Variants in TTI1 observed in about 807,000 individuals in gnomAD.
TTI1 encodes the protein TELO2 interacting protein 1, also known as TELO2-interacting protein 1 homolog.
TTI1 carries 52 observed loss-of-function variants against 85.4 expected under a neutral mutation model. The observed-to-expected ratio is 0.61, with a 90% CI of 0.49 to 0.77. The LOEUF (loss-of-function observed/expected upper bound fraction) is 0.77. Among genes scored for constraint, TTI1 ranks in the 30% least tolerant of loss-of-function variants. The probability of loss-of-function intolerance (pLI) is 0.00; values close to 1 mark genes in which losing one functional copy is unlikely to be tolerated. For missense variants in TTI1, 1,173 were observed against 1,296.0 expected (o/e 0.91, Z 1.46); for synonymous variants, 512 against 503.9 (o/e 1.02, Z -0.22).
chr20:38,006,457 T>C, intron 2 of TTI1, 60 bp from the exon 3 acceptor site: 8 of 1,580,646 alleles, frequency 5.1e-6, no homozygotes, highest in Non-Finnish European at 6.9e-6. Context: ...GAGTACTTTA[T>C]ACACAGAATA....
intron 1 of TTI1, among the ~76,000 whole-genome samples, chr20:38,024,838 G>C (rs1390222925): frequency 6.6e-6 from 1 of 152,132 alleles, no homozygotes; most frequent in Non-Finnish European, 1.5e-5. Context: ...GACCACACGG[G>C]GAGCCTAAAC....
chr20:38,006,266 A>G lies in TTI1; in HGVS notation c.2434T>C (p.Phe812Leu). The G allele has an allele frequency of 6.2e-7, 1 of 1,614,054 alleles. No individual in the cohort carries two copies. The highest frequency in any genetic ancestry group is 8.5e-7 in the Non-Finnish European group (1 of 1,179,994). The stretch of plus-strand genomic sequence containing the variant: ...TTCTCTTTGAGGTAGTTCAGCAAAA[A>G]CTGTTCGATGTCTTCAGCTGTGGTG... ...STTTAEDIEQ[F>L]LLNYLKEKDV... is the part of the protein sequence containing the mutation. The change falls in exon 3 of 8, where the codon TTT becomes CTT. Residue 812 changes from phenylalanine to leucine, a missense_variant. Transcript: ENST00000373447.
At chr20:37,990,755 G>A (rs1292416868) in intron 7 of TTI1, among the ~76,000 whole-genome samples, 1 of 152,122 alleles carries the variant, frequency 6.6e-6, no homozygotes, top group Non-Finnish European at 1.5e-5. Flanking sequence ...ACTTTGTGCA[G>A]GCGGTGCTGC....
intron 3 of TTI1, among the ~76,000 whole-genome samples, chr20:38,005,689 A>C (rs1343886457): frequency 2.6e-5 from 4 of 152,152 alleles, no homozygotes; most frequent in African/African-American, 9.7e-5. Flanking sequence ...ATAAATTGAC[A>C]CAACCTTTTT....
intron 1 of TTI1, among the ~76,000 whole-genome samples, chr20:38,033,201 A>T (rs2073942923): frequency 6.6e-6 from 1 of 152,182 alleles, no homozygotes. Context: ...GGCTTGGAAG[A>T]ACCAAAACTA....
intron 7 of TTI1, among the ~76,000 whole-genome samples, chr20:37,995,097 C>G (rs2073319909): frequency 6.6e-6 from 1 of 152,150 alleles, no homozygotes; most frequent in Non-Finnish European, 1.5e-5. Context: ...TCCAGGGGCA[C>G]CGCCCAGGGA....
intron 1 of TTI1, among the ~76,000 whole-genome samples, chr20:38,024,238 T>A (rs2122642337): frequency 6.6e-6 from 1 of 152,326 alleles, no homozygotes; most frequent in East Asian, 1.9e-4. Context: ...TATGTTTGCA[T>A]ATTCTACTTA....
chr20:38,004,267 T>C (rs2073467377), intron 3 of TTI1, among the ~76,000 whole-genome samples: 1 of 152,156 alleles, frequency 6.6e-6, no homozygotes, highest in African/African-American at 2.4e-5. Context: ...ATCCTTACCC[T>C]GAAAAATTTT....
chr20:37,990,071 T>A (rs548380735), intron 7 of TTI1, among the ~76,000 whole-genome samples: 5 of 152,340 alleles, frequency 3.3e-5, no homozygotes, highest in Admixed American at 3.3e-4. Context: ...CTTTGCTGTC[T>A]GTCAGGAAGC....
chr20:37,999,458 T>C, intron 4 of TTI1, 130 bp from the exon 5 acceptor site: 4 of 996,344 alleles, frequency 4.0e-6, no homozygotes, highest in Middle Eastern at 2.4e-4. Flanking sequence ...GCTGACTACA[T>C]GCCAAGCACT....
chr20:37,997,650 T>C (rs2073362204), intron 5 of TTI1, among the ~76,000 whole-genome samples: 4 of 152,196 alleles, frequency 2.6e-5, no homozygotes, highest in Admixed American at 2.6e-4. Flanking sequence ...TCTTTAAAAA[T>C]TGGTAAGCAA....
chr20:38,012,799 C>G lies in TTI1; in HGVS notation c.1018G>C (p.Val340Leu). ...GPLLKALVGLVNDESPEIQAQ... is the reference protein window; with the variant it reads ...GPLLKALVGLLNDESPEIQAQ... ...TGGATTTCAGGACTCTCATCATTTACTAGTCCCACTAAGGCCTTCAGAAGG... is the reference window on the plus strand; with the variant it reads ...TGGATTTCAGGACTCTCATCATTTAGTAGTCCCACTAAGGCCTTCAGAAGG... The change falls in exon 2 of 8, where the codon GTA becomes CTA. Residue 340 changes from valine (V) to leucine (L), a missense_variant. Transcript: ENST00000373447. The G allele has an allele frequency of 1.1e-5, 17 of 1,614,214 alleles. No individual in the cohort carries two copies. Among genetic ancestry groups the G allele is most frequent in the Non-Finnish European group, 1.4e-5 (16 of 1,180,042 alleles).
chr20:37,997,066 T>TA (rs1160491901), intron 5 of TTI1, 113 bp from the exon 6 acceptor site: 1 of 1,119,948 alleles, frequency 8.9e-7, no homozygotes, highest in African/African-American at 1.6e-5. Flanking sequence ...AAAAAAAAAA[T>TA]AGAATTACTG....
Position 38,013,370 on chromosome 20 carries a change from T to C in TTI1, c.447A>G (p.Pro149=). 8.1e-6 allele frequency: 13 copies of C among 1,614,106 alleles called. No homozygotes were observed. Among genetic ancestry groups the C allele is most frequent in the Non-Finnish European group, 1.1e-5 (13 of 1,180,038 alleles). Residue 149 remains proline (P), a synonymous_variant, in exon 2 of 8, where the codon CCA becomes CCG. Coordinates refer to ENST00000373447, the MANE Select transcript of TTI1 (RefSeq NM_001303457.2). ...ILTFYEPSIL[P]RLGFAVSLLL... ...GTAAAGATACAGCAAATCCTAAACG[T>C]GGCAGAATGGAGGGCTCATAAAAAG...
At chr20:38,011,315 G>A (rs1186084030) in intron 2 of TTI1, among the ~76,000 whole-genome samples, 200 bp downstream of exon 2, 1 of 152,070 alleles carries the variant, frequency 6.6e-6, no homozygotes, top group African/African-American at 2.4e-5. Flanking sequence ...CATAGAGCAG[G>A]AGCTCAATAA....
At chr20:38,020,978 G>C (rs1411191656) in intron 1 of TTI1, among the ~76,000 whole-genome samples, 1 of 152,178 alleles carries the variant, frequency 6.6e-6, no homozygotes, top group Non-Finnish European at 1.5e-5. Context: ...TATGCTCTAT[G>C]ATCTAGCAAT....
chr20:37,996,781 C>T lies in TTI1; in HGVS notation c.2966G>A (p.Gly989Asp), dbSNP rs535257474. Reference sequence around the variant, plus strand: ...CAGTCTCTCACAGAGGGGGCCCAGGCCCTGTAAGACAGCCAGCTGCAACTT... The same window carrying T: ...CAGTCTCTCACAGAGGGGGCCCAGGTCCTGTAAGACAGCCAGCTGCAACTT... The part of the protein sequence containing the change: ...AFKLQLAVLQ[G>D]LGPLCERLDL... Residue 989 changes from glycine to aspartate, a missense_variant, in exon 6 of 8, where the codon GGC becomes GAC. Gly to Asp is a moderately conservative substitution (Grantham distance 94). Coordinates refer to ENST00000373447, the MANE Select transcript of TTI1 (RefSeq NM_001303457.2). 1.2e-6 allele frequency: 2 copies of T among 1,613,258 alleles called. No individual in the cohort carries two copies. The highest frequency in any genetic ancestry group is 1.1e-5 in the South Asian group (1 of 91,026).
At chr20:38,023,531 G>T (rs1349251729) in intron 1 of TTI1, among the ~76,000 whole-genome samples, 1 of 152,174 alleles carries the variant, frequency 6.6e-6, no homozygotes, top group Non-Finnish European at 1.5e-5. Context: ...ATAGGTTCTT[G>T]TTCAATAATC....
intron 1 of TTI1, among the ~76,000 whole-genome samples, chr20:38,018,781 AT>A (rs879417270): frequency 0.014 from 2,075 of 145,206 alleles, 23 homozygotes; most frequent in African/African-American, 0.033. Context: ...CCCAACTTTG[AT>A]TTTTTTTTTT....
Sources: gnomAD v4.1 joint callset for allele counts (sites outside exome capture counted in the v4.1 genomes callset) on GRCh38, gnomAD v4.1.1 for gene constraint, MANE v1.5 for transcripts, NCBI Gene and HGNC (gene_info 2026-07-23, HGNC 2026-07-21) for gene names.